OAS3: variants seen among roughly 807,000 people sequenced by gnomAD.
OAS3 encodes the protein 2'-5'-oligoadenylate synthase 3.
OAS3 carries 107 observed loss-of-function variants against 113.0 expected under a neutral mutation model. That is an observed-to-expected ratio of 0.95 (90% CI 0.81 to 1.11). OAS3 has a LOEUF of 1.11. Ranked by LOEUF, OAS3 falls within the 50% of genes most tolerant of loss-of-function variation. The pLI, the probability that OAS3 is intolerant of heterozygous loss-of-function variation, is 0.00. For synonymous variants in OAS3, 552 were observed against 573.6 expected (o/e 0.96, Z 0.54); for missense variants, 1,258 against 1,389.1 (o/e 0.91, Z 1.50).
chr12:112,968,607 C>T (rs11066463), intron 14 of OAS3, among the ~76,000 whole-genome samples: 9,962 of 152,200 alleles, frequency 0.065, 1,059 homozygotes, highest in African/African-American at 0.22. Context: ...CTCCGCCTCC[C>T]GGGTTCAAGC....
In OAS3 at chr12:112,964,391, GTGAT is replaced by G. The variant is rs757011149; in HGVS notation, c.2387_2390del (p.Val796AlafsTer75). ...CTGCTTCCGGAATTCTCCCATCAAA[GTGAT>G]CAAGGTGGTCAAGGTGAGTCCTCAG... On this transcript the variant is annotated frameshift_variant, in exon 11 of 16. Transcript: ENST00000228928. LOFTEE classifies it high-confidence loss of function. 6.8e-6 allele frequency: 11 copies of G among 1,611,986 alleles called. No individual in the cohort carries two copies. Among genetic ancestry groups the G allele is most frequent in the African/African-American group, 1.3e-5 (1 of 75,052 alleles).
At chr12:112,965,690 C>T in intron 11 of OAS3, 54 bp from the exon 12 acceptor site, 1 of 1,535,730 alleles carries the variant, frequency 6.5e-7, no homozygotes, top group Non-Finnish European at 8.8e-7. Context: ...CAGTCCAGAA[C>T]CGACAGGCTA....
In OAS3 at chr12:112,954,248, C is replaced by A. The variant is rs1386618872; in HGVS notation, c.1657+3273C>A. 6.6e-6 allele frequency among the ~76,000 whole-genome samples: 1 copy of A among 152,100 alleles called. No homozygotes were observed. Among genetic ancestry groups the A allele is most frequent in the Non-Finnish European group, 1.5e-5 (1 of 68,010 alleles). On this transcript the variant is annotated intron_variant, in intron 7 of 15. Transcript: ENST00000228928. The surrounding 1 kb of genome is among the most constrained non-coding windows in gnomAD (Gnocchi z 4.0). ...CAGCACTATTTATTAAATAGGGAAT[C>A]CTTTCCCCATTTCTTGTTTGTCTGT... is the stretch of plus-strand genomic sequence containing the variant.
In OAS3 at chr12:112,970,178, C is replaced by G; in HGVS notation, c.*205C>G. 1.6e-6 allele frequency: 1 copy of G among 645,094 alleles called. No individual in the cohort carries two copies. The highest frequency in any genetic ancestry group is 1.8e-5 in the South Asian group (1 of 54,572). 40.0% of individuals were successfully genotyped at this position (645,094 alleles called of 1,614,324 possible). A position where few individuals can be genotyped will look rare whatever the true frequency, so the allele number is the denominator to read the frequency against. ...TCACACACTCCCCTGCCTCCCATGG[C>G]TTACACACTAGGATCCAGACTCCAT... is the stretch of plus-strand genomic sequence containing the variant. On this transcript the variant is annotated 3_prime_UTR_variant, in exon 16 of 16. Coordinates refer to ENST00000228928, the MANE Select transcript of OAS3 (RefSeq NM_006187.4).
In OAS3 at chr12:112,948,066, G is replaced by T; in HGVS notation, c.996G>T (p.Gly332=). The stretch of plus-strand genomic sequence containing the variant: ...ATGACCACCCATGCTTTCTGAGGGG[G>T]ATGGGGGACCCAGTGCAGTCTTGGA... ...SCYDHPCFLR[G]MGDPVQSWKG... The change falls in exon 5 of 16, where the codon GGG becomes GGT. Residue 332 remains glycine (G), a synonymous_variant. Coordinates refer to ENST00000228928, the MANE Select transcript of OAS3 (RefSeq NM_006187.4). 1 of 1,575,560 alleles carries T rather than the reference G, an allele frequency of 6.3e-7. No homozygotes were observed. The highest frequency in any genetic ancestry group is 1.4e-5 in the African/African-American group (1 of 73,418).
chr12:112,969,666 G>A lies in OAS3; in HGVS notation c.3163G>A (p.Asp1055Asn), dbSNP rs1159166072. 6.2e-7 allele frequency: 1 copy of A among 1,610,526 alleles called. No homozygotes were observed. Among genetic ancestry groups the A allele is most frequent in the African/African-American group, 1.3e-5 (1 of 74,888 alleles). The change falls in exon 15 of 16, where the codon GAC becomes AAC. Residue 1055 changes from aspartate (D) to asparagine (N), a missense_variant. Asp to Asn is a conservative substitution (Grantham distance 23). Coordinates refer to ENST00000228928, the MANE Select transcript of OAS3 (RefSeq NM_006187.4). Reference sequence around the variant, plus strand: ...CAACCTGGGCCACAATGCCCGCTGGGACCTGCTGGCCAAGGAAGCTGCAGC... The same window carrying A: ...CAACCTGGGCCACAATGCCCGCTGGAACCTGCTGGCCAAGGAAGCTGCAGC... ...TGNLGHNARW[D>N]LLAKEAAACT...
At chr12:112,969,889 C>T in intron 15 of OAS3, 73 bp from the exon 16 acceptor site, 1 of 1,592,404 alleles carries the variant, frequency 6.3e-7, no homozygotes, top group Non-Finnish European at 8.6e-7. Context: ...CTTCCATTTT[C>T]CCATCCGGCT....
chr12:112,950,737 T>A lies in OAS3; in HGVS notation c.1419T>A (p.Asp473Glu). Residue 473 changes from aspartate (D) to glutamate (E), a missense_variant, in exon 7 of 16, where the codon GAT (aspartate) becomes GAA (glutamate). Transcript: ENST00000228928. The stretch of plus-strand genomic sequence containing the variant: ...GCACAGACCTAAGGGATGGCTGTGA[T>A]GTTGAACTCATCATCTTCCTCAACT... ...GRGTDLRDGC[D>E]VELIIFLNCF... 6.2e-7 allele frequency: 1 copy of A among 1,614,010 alleles called. No individual in the cohort carries two copies. The highest frequency in any genetic ancestry group is 8.5e-7 in the Non-Finnish European group (1 of 1,179,886).
intron 3 of OAS3, chr12:112,945,171 G>A (rs947937597): frequency 2.3e-4 from 47 of 201,180 alleles, no homozygotes; most frequent in African/African-American, 1.1e-3. Flanking sequence ...ATGTAGCCGG[G>A]CGTGGTGGTA....
At position 112,970,087 on chromosome 12, in the gene OAS3, A is replaced by T. The variant is rs574824759; in HGVS notation, c.*114A>T. The T allele has an allele frequency of 3.2e-6, 4 of 1,233,610 alleles. No homozygotes were observed. The highest frequency in any genetic ancestry group is 3.0e-5 in the African/African-American group (2 of 67,112). 76.4% of individuals were successfully genotyped at this position (1,233,610 alleles called of 1,614,324 possible). On this transcript the variant is annotated 3_prime_UTR_variant, in exon 16 of 16. Transcript: ENST00000228928. Reference sequence around the variant, plus strand: ...GAGAGATTGTGTACATGTGTGTGTGAGCACATGTGTGCATGTGTGTGCACA... The same window carrying T: ...GAGAGATTGTGTACATGTGTGTGTGTGCACATGTGTGCATGTGTGTGCACA...
rs1272890628 is a variant in OAS3, at chr12:112,938,665, C to T, written c.135C>T (p.Gly45=). The part of the protein sequence containing the change: ...ALAAALRERG[G]RLGAAAPRVL... ...CCGCTGCCCTGAGGGAGCGCGGGGGCCGCCTCGGTGCTGCTGCCCCGCGGG... is the reference window on the plus strand; with the variant it reads ...CCGCTGCCCTGAGGGAGCGCGGGGGTCGCCTCGGTGCTGCTGCCCCGCGGG... The change falls in exon 1 of 16, where the codon GGC becomes GGT. Residue 45 remains glycine (G), a synonymous_variant. Transcript: ENST00000228928. 2 of 1,590,144 alleles carry T rather than the reference C, an allele frequency of 1.3e-6. No homozygotes were observed. Among genetic ancestry groups the T allele is most frequent in the East Asian group, 2.3e-5 (1 of 43,628 alleles).
chr12:112,965,161 A>G (rs1272232401), intron 11 of OAS3, among the ~76,000 whole-genome samples: 1 of 152,214 alleles, frequency 6.6e-6, no homozygotes, highest in Non-Finnish European at 1.5e-5. Context: ...AAAGAGTGTT[A>G]GCATAAAGCC....
Position 112,969,697 on chromosome 12 carries a change from C to T in OAS3, c.3194C>T (p.Thr1065Ile). ...CTGGCCAAGGAAGCTGCAGCCTGCA[C>T]ATCTGCCCTGTGCTGCATGGGACGG... The part of the protein sequence containing the change: ...DLLAKEAAAC[T>I]SALCCMGRNG... The change falls in exon 15 of 16, where the codon ACA (threonine) becomes ATA (isoleucine). Residue 1065 changes from threonine to isoleucine, a missense_variant. Transcript: ENST00000228928. 6.2e-7 allele frequency: 1 copy of T among 1,612,908 alleles called. No individual in the cohort carries two copies. The highest frequency in any genetic ancestry group is 8.5e-7 in the Non-Finnish European group (1 of 1,179,494).
At position 112,972,299 on chromosome 12, in the gene OAS3, G is replaced by A. The variant is rs920696547; in HGVS notation, c.*2326G>A. The A allele has an allele frequency of 6.6e-6, 1 of 152,258 alleles. No homozygotes were observed. Among genetic ancestry groups the A allele is most frequent in the African/African-American group, 2.4e-5 (1 of 41,456 alleles). 9.4% of individuals were successfully genotyped at this position (152,258 alleles called of 1,614,324 possible). On this transcript the variant is annotated 3_prime_UTR_variant, in exon 16 of 16. Transcript: ENST00000228928. Reference sequence around the variant, plus strand: ...AGAGGAGGGCTTGCTCATCTGAACAGGGGTGTATTTCATTCCAGGCCCTCA... The same window carrying A: ...AGAGGAGGGCTTGCTCATCTGAACAAGGGTGTATTTCATTCCAGGCCCTCA...
chr12:112,963,690 C>T lies in OAS3; in HGVS notation c.2229+233C>T, dbSNP rs550605445. 1.4e-4 allele frequency among the ~76,000 whole-genome samples: 21 copies of T among 152,280 alleles called. No homozygotes were observed. The highest frequency in any genetic ancestry group is 6.5e-4 in the Admixed American group (10 of 15,298). On this transcript the variant is annotated intron_variant, in intron 10 of 15. Coordinates refer to ENST00000228928, the MANE Select transcript of OAS3 (RefSeq NM_006187.4). The surrounding 1 kb of genome is among the most constrained non-coding windows in gnomAD (Gnocchi z 4.6). ...GCCTAACTCTGTCTCCAGGCGGAAC[C>T]GATTCTGTGATGCAACTCACGTTCC...
Position 112,941,297 on chromosome 12 carries a change from T to G in OAS3, c.178-273T>G, listed in dbSNP as rs376905917. Among the ~76,000 whole-genome samples, 7 of 152,278 alleles carry G rather than the reference T, an allele frequency of 4.6e-5. No individual in the cohort carries two copies. In the East Asian group the frequency reaches 1.3e-3, roughly 29 times the overall value. On this transcript the variant is annotated intron_variant, in intron 1 of 15. Transcript: ENST00000228928. ...AGGAGGATCACTCGAGCCCAGGAGT[T>G]CAAGGCCGCAGTGAGCTATGTGTTC... is the stretch of plus-strand genomic sequence containing the variant.
At chr12:112,959,457 T>C (rs2043863350) in intron 7 of OAS3, among the ~76,000 whole-genome samples, 1 of 152,196 alleles carries the variant, frequency 6.6e-6, no homozygotes, top group African/African-American at 2.4e-5. Context: ...AGACTGGAGC[T>C]GTTCCTATTC....
rs192182241 is a variant in OAS3 at position 112,959,128 on chromosome 12, G to A, written c.1658-1943G>A. Among the ~76,000 whole-genome samples, 76 of 152,304 alleles carry A rather than the reference G, an allele frequency of 5.0e-4. No homozygotes were observed. In the East Asian group the frequency reaches 7.3e-3, roughly 15 times the overall value. ...TAACAGTGAATGAGGCTCCGTGGGC[G>A]TGTGACCCTCCGTGCCAGGTGCAGG... On this transcript the variant is annotated intron_variant, in intron 7 of 15. Coordinates refer to ENST00000228928, the MANE Select transcript of OAS3 (RefSeq NM_006187.4).
chr12:112,942,825 T>C (rs188816231), intron 2 of OAS3, among the ~76,000 whole-genome samples: 324 of 151,246 alleles, frequency 2.1e-3, no homozygotes, highest in African/African-American at 7.6e-3. Context: ...ATTATTATTA[T>C]TATTATTTAC....
Sources: gnomAD v4.1 joint callset for allele counts (sites outside exome capture counted in the v4.1 genomes callset) on GRCh38, gnomAD v4.1.1 for gene constraint, Gnocchi (gnomAD v3.1) non-coding constraint, MANE v1.5 for transcripts, NCBI Gene and HGNC (gene_info 2026-07-23, HGNC 2026-07-21) for gene names.